Variants in CCDC192 observed in about 807,000 individuals in gnomAD.
The protein encoded by CCDC192 is coiled-coil domain containing 192.
intron 5 of CCDC192, among the ~76,000 whole-genome samples, chr5:127,808,863 T>C (rs897388343): frequency 6.6e-6 from 1 of 152,188 alleles, no homozygotes; most frequent in African/African-American, 2.4e-5. Flanking sequence ...AATACCTTGT[T>C]CAATGAATGA....
intron 3 of CCDC192, among the ~76,000 whole-genome samples, chr5:127,757,792 ACACACACTCTCTCT>A (rs1192262933): frequency 6.2e-5 from 6 of 97,424 alleles, no homozygotes; most frequent in African/African-American, 2.4e-4. Context: ...ACACACACAC[ACACACACTCTCTCT>A]CTCTCTCTCT....
chr5:127,912,366 G>A (rs1753392949), intron 6 of CCDC192, among the ~76,000 whole-genome samples: 1 of 135,248 alleles, frequency 7.4e-6, no homozygotes, highest in Admixed American at 8.3e-5. Context: ...GTACAACAAT[G>A]GGTTGTATAG....
At chr5:127,787,239 C>T (rs1305180869) in intron 3 of CCDC192, among the ~76,000 whole-genome samples, 1 of 152,132 alleles carries the variant, frequency 6.6e-6, no homozygotes, top group Non-Finnish European at 1.5e-5. Context: ...CCCCTGATGC[C>T]TCCACCTGGT....
intron 2 of CCDC192, among the ~76,000 whole-genome samples, chr5:127,729,583 C>A (rs1242105590): frequency 6.6e-6 from 1 of 152,192 alleles, no homozygotes; most frequent in African/African-American, 2.4e-5. Flanking sequence ...CTTCGGGTCA[C>A]ATGGCACTTA....
intron 5 of CCDC192, among the ~76,000 whole-genome samples, chr5:127,817,042 T>C (rs1190140724): frequency 1.3e-5 from 2 of 152,272 alleles, no homozygotes; most frequent in Non-Finnish European, 2.9e-5. Context: ...TTATTAGTTA[T>C]TCATATTGTT....
chr5:127,724,847 CAAA>C (rs71223028), intron 2 of CCDC192, among the ~76,000 whole-genome samples: 6 of 120,904 alleles, frequency 5.0e-5, no homozygotes, highest in African/African-American at 9.9e-5. Flanking sequence ...GACTCCGTCT[CAAA>C]AAAAAAAAAA....
intron 5 of CCDC192, among the ~76,000 whole-genome samples, chr5:127,867,522 G>T (rs1221592368): frequency 6.6e-6 from 1 of 152,146 alleles, no homozygotes; most frequent in African/African-American, 2.4e-5. Context: ...CTGTAGAGGT[G>T]GGGCTAAGAA....
At chr5:127,921,273 G>A (rs985217765) in intron 6 of CCDC192, among the ~76,000 whole-genome samples, 1 of 152,052 alleles carries the variant, frequency 6.6e-6, no homozygotes, top group East Asian at 1.9e-4. Flanking sequence ...GAAAAGAAAA[G>A]GAAGGAAAGG....
chr5:127,902,737 C>T (rs1017079743), intron 6 of CCDC192, among the ~76,000 whole-genome samples: 1 of 152,194 alleles, frequency 6.6e-6, no homozygotes, highest in Non-Finnish European at 1.5e-5. Flanking sequence ...ATAGAGTAAC[C>T]TCCTGGGCAA....
At chr5:127,813,599 G>C (rs1023498587) in intron 5 of CCDC192, among the ~76,000 whole-genome samples, 1 of 152,078 alleles carries the variant, frequency 6.6e-6, no homozygotes. Context: ...AGTAAAAAGC[G>C]ACCTGGAAGA....
intron 6 of CCDC192, among the ~76,000 whole-genome samples, chr5:127,918,958 TG>T (rs1178233731): frequency 7.8e-6 from 1 of 128,048 alleles, no homozygotes; most frequent in East Asian, 4.2e-4. Flanking sequence ...TGTATATATG[TG>T]TGTGTCTGTG....
intron 2 of CCDC192, among the ~76,000 whole-genome samples, chr5:127,733,154 A>G (rs1752740724): frequency 6.6e-6 from 1 of 152,112 alleles, no homozygotes; most frequent in Non-Finnish European, 1.5e-5. Context: ...ATGCATAACT[A>G]TGTGCATTTT....
rs1012047444 is a variant in CCDC192, at chr5:127,899,790, C to T, written c.535+24129C>T. Among the ~76,000 whole-genome samples, 21 of 152,090 alleles carry T rather than the reference C, an allele frequency of 1.4e-4. 1 individual carries two copies. Among genetic ancestry groups the T allele is most frequent in the Admixed American group, 7.9e-4 (12 of 15,262 alleles). ...TCAAAACAACCTGCATGTTTATCTT[C>T]GAATATTTACCCAAATACCCTGAAT... is the stretch of plus-strand genomic sequence containing the variant. On this transcript the variant is annotated intron_variant, in intron 6 of 6. Coordinates refer to ENST00000514853, the MANE Select transcript of CCDC192 (RefSeq NM_001317938.2).
intron 5 of CCDC192, among the ~76,000 whole-genome samples, chr5:127,865,095 G>A (rs937640599): frequency 3.3e-5 from 5 of 151,972 alleles, no homozygotes; most frequent in African/African-American, 1.2e-4. Flanking sequence ...TGCAGTGACC[G>A]GAGATCACGA....
At chr5:127,774,401 G>A (rs531978320) in intron 3 of CCDC192, among the ~76,000 whole-genome samples, 12 of 152,238 alleles carry the variant, frequency 7.9e-5, no homozygotes, top group Admixed American at 4.6e-4. Context: ...TATTTAGGTC[G>A]TTGATCTAGT....
At chr5:127,814,045 T>C (rs1428978442) in intron 5 of CCDC192, among the ~76,000 whole-genome samples, 1 of 152,142 alleles carries the variant, frequency 6.6e-6, no homozygotes, top group Non-Finnish European at 1.5e-5. Flanking sequence ...GGAGCCTTGG[T>C]TGTGAATTGC....
intron 6 of CCDC192, among the ~76,000 whole-genome samples, chr5:127,906,951 C>T (rs927871675): frequency 6.6e-6 from 1 of 152,158 alleles, no homozygotes; most frequent in Middle Eastern, 3.2e-3. Flanking sequence ...ACATTCTTAT[C>T]AGCAGTGCAC....
At chr5:127,852,729 T>C (rs1307170105) in intron 5 of CCDC192, among the ~76,000 whole-genome samples, 1 of 152,216 alleles carries the variant, frequency 6.6e-6, no homozygotes, top group Non-Finnish European at 1.5e-5. Flanking sequence ...CTTAACTGTT[T>C]GGCAACTATC....
intron 1 of CCDC192, among the ~76,000 whole-genome samples, chr5:127,706,075 A>G (rs1050552709): frequency 6.6e-6 from 1 of 152,250 alleles, no homozygotes; most frequent in Non-Finnish European, 1.5e-5. Flanking sequence ...AATTTTGTTC[A>G]GTAGTCACTG....
Sources: allele counts gnomAD v4.1 joint callset (sites outside exome capture counted in the v4.1 genomes callset), GRCh38; gene constraint gnomAD v4.1.1; transcripts MANE v1.5; gene names NCBI Gene and HGNC (gene_info 2026-07-23, HGNC 2026-07-21).